The following CNOT1 variants were observed in gnomAD, a reference collection of about 807,000 sequenced individuals.
CNOT1 encodes CCR4-NOT transcription complex subunit 1.
A neutral mutation model predicts 273.8 loss-of-function variants in CNOT1; 15 were observed. That is an observed-to-expected ratio of 0.05 (90% CI 0.04 to 0.08). The LOEUF is 0.08. CNOT1 is among the 10% of genes least tolerant of loss of function. CNOT1 has a pLI of 1.00. For missense variants in CNOT1, 1,644 were observed against 2,912.2 expected (o/e 0.56, Z 10.02); for synonymous variants, 1,022 against 1,005.5 (o/e 1.02, Z -0.31).
chr16:58,624,383 C>A (rs2043477462), intron 1 of CNOT1, among the ~76,000 whole-genome samples: 1 of 152,232 alleles, frequency 6.6e-6, no homozygotes, highest in Non-Finnish European at 1.5e-5. Flanking sequence ...ACGTATTCAA[C>A]ATTTCAGGAA....
intron 1 of CNOT1, among the ~76,000 whole-genome samples, chr16:58,608,273 A>G (rs534891623): frequency 3.9e-5 from 6 of 152,260 alleles, no homozygotes; most frequent in Non-Finnish European, 5.9e-5. Context: ...CAGTGAAACC[A>G]GGCCAGGCAC....
At chr16:58,542,096 T>C (rs982315044) in intron 33 of CNOT1, 135 bp downstream of exon 33, 2 of 1,081,328 alleles carry the variant, frequency 1.8e-6, no homozygotes, top group Non-Finnish European at 2.6e-6. Context: ...TTCAGTGAAA[T>C]GCTATCAAGT....
chr16:58,620,802 T>G (rs1363185355), intron 1 of CNOT1, among the ~76,000 whole-genome samples: 1 of 152,026 alleles, frequency 6.6e-6, no homozygotes, highest in African/African-American at 2.4e-5. Context: ...GAATGACTTC[T>G]GAACAAAGAA....
Position 58,574,952 on chromosome 16 carries a change from G to C in CNOT1, c.1827+55C>G, listed in dbSNP as rs1021691873. The C allele has an allele frequency of 8.1e-6, 13 of 1,596,964 alleles. No individual in the cohort carries two copies. In the African/African-American group the frequency reaches 1.6e-4, roughly 20 times the overall value. ...CAAATTTTAAAAGTTGTACTTGATA[G>C]CCATTTTAGCCACCAAAATTTAAGA... On this transcript the variant is annotated intron_variant, in intron 15 of 48. Transcript: ENST00000317147.
At chr16:58,527,004 T>C (rs2039610989) in intron 44 of CNOT1, among the ~76,000 whole-genome samples, 2 of 152,014 alleles carry the variant, frequency 1.3e-5, no homozygotes, top group Non-Finnish European at 2.9e-5. Flanking sequence ...GAATAGTCAC[T>C]GCCCTTCAGC....
chr16:58,581,510 T>C lies in CNOT1; in HGVS notation c.1050A>G (p.Pro350=). 1 of 1,610,776 alleles carries C rather than the reference T, an allele frequency of 6.2e-7. No homozygotes were observed. The highest frequency in any genetic ancestry group is 1.1e-5 in the South Asian group (1 of 90,308). The change falls in exon 11 of 49, where the codon CCA becomes CCG. Residue 350 remains proline (P), a synonymous_variant. Transcript: ENST00000317147. ...VLIDVLKELN[P]SLNFKEVTYE... is the part of the protein sequence containing the mutation. ...AAGTTACTTCCTTGAAATTCAAACT[T>C]GGATTCTAAAAAAGACCAAAGCAGT...
At position 58,539,947 on chromosome 16, in the gene CNOT1, T is replaced by C. The variant is rs112557501; in HGVS notation, c.4813A>G (p.Thr1605Ala). 70 of 1,601,346 alleles carry C rather than the reference T, an allele frequency of 4.4e-5. No homozygotes were observed. Among genetic ancestry groups the C allele is most frequent in the Non-Finnish European group, 5.8e-5 (68 of 1,173,542 alleles). ...LAQPMKQAWA[T>A]DDVAQIYDKC... ...TCATAAATCTGAGCTACATCATCTG[T>C]TGCCCAAGCTTGCTGTTTTACAGAA... Residue 1605 changes from threonine to alanine, a missense_variant, in exon 35 of 49, where the codon ACA becomes GCA. This residue lies in a region of CNOT1 where 170 missense variants were observed against 273.1 expected (regional missense o/e 0.62). Transcript: ENST00000317147.
chr16:58,532,580 G>T, intron 40 of CNOT1, 185 bp from the exon 41 acceptor site: 1 of 1,011,990 alleles, frequency 9.9e-7, no homozygotes, highest in Non-Finnish European at 1.4e-6. Flanking sequence ...CGCCTTCAGT[G>T]TTTTGTGTGT....
At position 58,555,960 on chromosome 16, in the gene CNOT1, C is replaced by T. The variant is rs189277056; in HGVS notation, c.2480-52G>A. 3.1e-6 allele frequency: 5 copies of T among 1,596,238 alleles called. No homozygotes were observed. The Admixed American group carries it at 5.1e-5, about 16-fold the overall frequency. On this transcript the variant is annotated intron_variant, in intron 19 of 48. Transcript: ENST00000317147. ...GGGCATTTAAGCCCTTCCTCCACTT[C>T]CCCATAAAACACAGCCAGCCAGAGA...
chr16:58,598,375 G>A (rs1180687578), intron 2 of CNOT1, among the ~76,000 whole-genome samples: 1 of 144,214 alleles, frequency 6.9e-6, no homozygotes, highest in Non-Finnish European at 1.5e-5. Context: ...TCCAGCCTAG[G>A]CAGCTGAGCA....
chr16:58,536,993 C>G lies in CNOT1; in HGVS notation c.5642G>C (p.Gly1881Ala). Reference protein sequence around the residue: ...DSTKAFSAFVGQMHQQGILKT... With the variant: ...DSTKAFSAFVAQMHQQGILKT... ...CTTTCTTTCCAAAAGCTCTACCTGT[C>G]CAACAAATGCAGAGAAAGCTTTGGT... The change falls in exon 39 of 49, where the codon GGA (glycine) becomes GCA (alanine). Residue 1881 changes from glycine to alanine, a missense_variant. Physicochemically the swap from Gly to Ala is moderately conservative, Grantham distance 60. Transcript: ENST00000317147. 1 of 1,613,944 alleles carries G rather than the reference C, an allele frequency of 6.2e-7. No individual in the cohort carries two copies. The highest frequency in any genetic ancestry group is 1.1e-5 in the South Asian group (1 of 91,028).
At chr16:58,522,057 C>T (rs576289011) in intron 47 of CNOT1, among the ~76,000 whole-genome samples, 6 of 151,628 alleles carry the variant, frequency 4.0e-5, no homozygotes, top group East Asian at 3.9e-4. Flanking sequence ...CAGTGACTCA[C>T]GCCTGTAATC....
intron 4 of CNOT1, 133 bp downstream of exon 4, chr16:58,587,647 A>G (rs767907758): frequency 3.4e-5 from 39 of 1,162,098 alleles, no homozygotes; most frequent in Non-Finnish European, 4.5e-5. Context: ...TTTTGTTACA[A>G]ACTATAAAAG....
rs901115178 is a variant in CNOT1, at chr16:58,556,953, A to C, written c.2373T>G (p.Thr791=). 10 of 1,614,068 alleles carry C rather than the reference A, an allele frequency of 6.2e-6. No homozygotes were observed. The Admixed American group carries it at 6.7e-5, about 11-fold the overall frequency. ...TCACTGCAGGGAGTCCAAGAGCACC[A>C]GTTCCTATACCAGTCAGGCTGCCTG... ...LGTGSLTGIG[T]GALGLPAVNN... is the part of the protein sequence containing the mutation. The change falls in exon 19 of 49, where the codon ACT becomes ACG. Residue 791 remains threonine (T), a synonymous_variant. Coordinates refer to ENST00000317147, the MANE Select transcript of CNOT1 (RefSeq NM_016284.5).
At chr16:58,605,890 C>G (rs2042658695) in intron 1 of CNOT1, among the ~76,000 whole-genome samples, 1 of 152,092 alleles carries the variant, frequency 6.6e-6, no homozygotes, top group African/African-American at 2.4e-5. Context: ...CTCTGGGGCT[C>G]AGCGATCCCT....
At chr16:58,627,386 A>G (rs2043628102) in intron 1 of CNOT1, among the ~76,000 whole-genome samples, 1 of 130,138 alleles carries the variant, frequency 7.7e-6, no homozygotes, top group Middle Eastern at 4.0e-3. Context: ...GCCTGGTGAC[A>G]GAGCGAGACT....
chr16:58,520,850 C>G lies in CNOT1; in HGVS notation c.*108G>C. ...GTAGTTGGGGCAGATACCCACAAAC[C>G]AAAGGGCTGGGAAAGTCAGGAAGAG... On this transcript the variant is annotated 3_prime_UTR_variant, in exon 49 of 49. Coordinates refer to ENST00000317147, the MANE Select transcript of CNOT1 (RefSeq NM_016284.5). 1.7e-6 allele frequency: 2 copies of G among 1,181,988 alleles called. No individual in the cohort carries two copies. The highest frequency in any genetic ancestry group is 1.8e-5 in the Admixed American group (1 of 56,988). The allele number at this position is 1,181,988 out of a possible 1,614,324, so 73.2% of individuals were successfully genotyped here.
chr16:58,592,162 G>C (rs1321350800), intron 2 of CNOT1, among the ~76,000 whole-genome samples: 1 of 152,036 alleles, frequency 6.6e-6, no homozygotes, highest in Non-Finnish European at 1.5e-5. Flanking sequence ...AAAAAGTGTA[G>C]GGCTTAATTT....
At chr16:58,532,535 C>T in intron 40 of CNOT1, 140 bp from the exon 41 acceptor site, 1 of 1,394,596 alleles carries the variant, frequency 7.2e-7, no homozygotes, top group Non-Finnish European at 9.4e-7. Flanking sequence ...AAATTACATG[C>T]TGGCAGCCGA....
Sources: gnomAD v4.1 joint callset for allele counts (sites outside exome capture counted in the v4.1 genomes callset) on GRCh38, gnomAD v4.1.1 for gene constraint, gnomAD v4.1.1 regional missense constraint, MANE v1.5 for transcripts, NCBI Gene and HGNC (gene_info 2026-07-23, HGNC 2026-07-21) for gene names.